Variants in HDAC4 observed in about 807,000 individuals in gnomAD.
The protein encoded by HDAC4 is histone deacetylase A.
Under a neutral mutation model 135.1 loss-of-function variants are expected in HDAC4, and 16 were observed. The observed-to-expected ratio is 0.12, with a 90% CI of 0.08 to 0.18. The LOEUF is 0.18. Among genes scored for constraint, HDAC4 ranks in the 10% least tolerant of loss-of-function variants. The pLI is 1.00. For synonymous variants in HDAC4, 685 were observed against 653.4 expected, an observed-to-expected ratio of 1.05 and a Z score of -0.74; for missense variants, 1,143 against 1,511.8, an observed-to-expected ratio of 0.76 and a Z score of 4.05.
chr2:239,079,662 G>A (rs781199772), intron 22 of HDAC4, among the ~76,000 whole-genome samples: 8 of 152,222 alleles, frequency 5.3e-5, no homozygotes, highest in East Asian at 3.9e-4. Flanking sequence ...CTCACCTGCC[G>A]GAGACGTGCA....
chr2:239,164,916 G>T (rs1308137592), intron 5 of HDAC4, among the ~76,000 whole-genome samples: 2 of 152,130 alleles, frequency 1.3e-5, no homozygotes, highest in Non-Finnish European at 2.9e-5. Flanking sequence ...TTGGTAAATT[G>T]CTGTCCAAAA....
At chr2:239,132,366 C>T (rs2040650179) in intron 11 of HDAC4, among the ~76,000 whole-genome samples, 1 of 152,218 alleles carries the variant, frequency 6.6e-6, no homozygotes, top group Non-Finnish European at 1.5e-5. Context: ...AGGCTCCCTG[C>T]CAGGGGGTTT....
chr2:239,269,442 C>A (rs540216618), intron 2 of HDAC4, among the ~76,000 whole-genome samples: 1 of 152,308 alleles, frequency 6.6e-6, no homozygotes, highest in East Asian at 1.9e-4. Flanking sequence ...TGGCACTGGC[C>A]AGGTAACTCC....
rs1419743581 is a variant in HDAC4 at position 239,354,561 on chromosome 2, AATT to A, written c.-219-1646_-219-1644del. On this transcript the variant is annotated intron_variant, in intron 1 of 26. Coordinates refer to ENST00000543185, the MANE Select transcript of HDAC4 (RefSeq NM_001378414.1). ...CTTTTCTTGATTTAATTAGTCTAGAAATTTTTTTTTTTTTTTTTTTTTTTTTTT... is the reference window on the plus strand; with the variant it reads ...CTTTTCTTGATTTAATTAGTCTAGAATTTTTTTTTTTTTTTTTTTTTTTTT... 6.2e-5 allele frequency among the ~76,000 whole-genome samples: 8 copies of A among 129,646 alleles called. No individual in the cohort carries two copies. In the South Asian group the frequency reaches 7.5e-4, roughly 12 times the overall value. 85.1% of individuals were successfully genotyped at this position (129,646 alleles called of 152,430 possible).
At chr2:239,266,601 G>A (rs1206147831) in intron 2 of HDAC4, among the ~76,000 whole-genome samples, 1 of 152,160 alleles carries the variant, frequency 6.6e-6, no homozygotes, top group African/African-American at 2.4e-5. Context: ...ATAAGCCACT[G>A]GCCAAGAAAT....
At chr2:239,268,250 C>G (rs2049858916) in intron 2 of HDAC4, among the ~76,000 whole-genome samples, 2 of 152,238 alleles carry the variant, frequency 1.3e-5, no homozygotes, top group African/African-American at 4.8e-5. Context: ...CAGACTCGGG[C>G]TGGTGGCCAG....
chr2:239,122,670 G>C (rs1300675946), intron 12 of HDAC4, among the ~76,000 whole-genome samples: 1 of 152,230 alleles, frequency 6.6e-6, no homozygotes, highest in African/African-American at 2.4e-5. Flanking sequence ...GCCAAAAGGG[G>C]CAGCTCTGCA....
At chr2:239,250,795 C>G (rs1313016107) in intron 2 of HDAC4, among the ~76,000 whole-genome samples, 1 of 152,204 alleles carries the variant, frequency 6.6e-6, no homozygotes. Flanking sequence ...CTGCCAGAGG[C>G]CACAGCGAAG....
At chr2:239,084,459 G>GCACACACACA (rs1491342004) in intron 19 of HDAC4, among the ~76,000 whole-genome samples, 31 of 73,180 alleles carry the variant, frequency 4.2e-4, no homozygotes, top group African/African-American at 1.3e-3. Context: ...TCACACGCGT[G>GCACACACACA]CGCGCGCACA....
chr2:239,111,479 CTG>C, intron 14 of HDAC4, 45 bp downstream of exon 14: 2 of 1,565,138 alleles, frequency 1.3e-6, no homozygotes, highest in Non-Finnish European at 8.7e-7. Flanking sequence ...GCTGTGCCCA[CTG>C]TGGCCCGCGT....
At chr2:239,315,441 G>A (rs577388116) in intron 2 of HDAC4, among the ~76,000 whole-genome samples, 16 of 152,264 alleles carry the variant, frequency 1.1e-4, no homozygotes, top group African/African-American at 3.4e-4. Context: ...GGAGAGCAAC[G>A]GGCAATGCCG....
At chr2:239,091,112 T>C (rs2036466816) in intron 17 of HDAC4, 4 of 152,278 alleles carry the variant, frequency 2.6e-5, no homozygotes, top group Admixed American at 2.0e-4. Flanking sequence ...ACGTCAACAA[T>C]CCCCGATTGT....
chr2:239,100,006 AG>A (rs1172053299), intron 16 of HDAC4, among the ~76,000 whole-genome samples: 1 of 152,238 alleles, frequency 6.6e-6, no homozygotes, highest in African/African-American at 2.4e-5. Flanking sequence ...CACAAACTTC[AG>A]GAGGGCAATG....
At chr2:239,200,894 A>C (rs2045715664) in intron 3 of HDAC4, among the ~76,000 whole-genome samples, 1 of 152,076 alleles carries the variant, frequency 6.6e-6, no homozygotes, top group South Asian at 2.1e-4. Context: ...TCTAGAAAAG[A>C]AGGGAGGTGG....
intron 2 of HDAC4, among the ~76,000 whole-genome samples, chr2:239,270,823 C>T (rs1480351317): frequency 6.6e-6 from 1 of 152,158 alleles, no homozygotes; most frequent in Non-Finnish European, 1.5e-5. Flanking sequence ...TTAGTTCAAA[C>T]CAAAATATGC....
At chr2:239,086,762 C>T (rs1470115687) in intron 19 of HDAC4, among the ~76,000 whole-genome samples, 1 of 152,228 alleles carries the variant, frequency 6.6e-6, no homozygotes, top group Non-Finnish European at 1.5e-5. Context: ...TGACAAACTG[C>T]TGCTCCAACT....
rs1393216773 is a variant in HDAC4 at position 239,068,386 on chromosome 2, C to G, written c.2869+103G>C. Reference sequence around the variant, plus strand: ...AACCTTGGTCATTAGTAAAAAGGTGCCCTTCCTTATCTCGTTATTAAAAAG... The same window carrying G: ...AACCTTGGTCATTAGTAAAAAGGTGGCCTTCCTTATCTCGTTATTAAAAAG... On this transcript the variant is annotated intron_variant, in intron 23 of 26. Transcript: ENST00000543185. This position sits in a 1 kb window ranked among gnomAD's most constrained non-coding sequence, Gnocchi z 4.4. 1.2e-6 allele frequency: 1 copy of G among 845,800 alleles called. No homozygotes were observed. Among genetic ancestry groups the G allele is most frequent in the Non-Finnish European group, 2.0e-6 (1 of 497,228 alleles). The allele number at this position is 845,800 out of a possible 1,614,324, so 52.4% of individuals were successfully genotyped here. A position where few individuals can be genotyped will look rare whatever the true frequency, so the allele number is the denominator to read the frequency against.
intron 2 of HDAC4, among the ~76,000 whole-genome samples, chr2:239,277,398 G>C (rs1325436696): frequency 1.3e-5 from 2 of 152,216 alleles, no homozygotes; most frequent in Non-Finnish European, 2.9e-5. Flanking sequence ...GGGAAGCCCA[G>C]AAGTGCAGAC....
At chr2:239,296,095 A>G (rs2051872512) in intron 2 of HDAC4, among the ~76,000 whole-genome samples, 1 of 152,240 alleles carries the variant, frequency 6.6e-6, no homozygotes, top group Admixed American at 6.5e-5. Context: ...GGGATGGTCC[A>G]AAGTTAATCC....
Sources: gnomAD v4.1 joint callset for allele counts (sites outside exome capture counted in the v4.1 genomes callset) on GRCh38, gnomAD v4.1.1 for gene constraint, Gnocchi (gnomAD v3.1) non-coding constraint, MANE v1.5 for transcripts, NCBI Gene and HGNC (gene_info 2026-07-23, HGNC 2026-07-21) for gene names.